IDH1: variants seen among roughly 807,000 people sequenced by gnomAD.
The protein encoded by IDH1 is isocitrate dehydrogenase (NADP(+)) 1, also known as isocitrate dehydrogenase [NADP] cytoplasmic.
IDH1 carries 33 observed loss-of-function variants against 46.1 expected under a neutral mutation model. The observed-to-expected ratio is 0.72, with a 90% confidence interval of 0.54 to 0.96. IDH1 has a LOEUF of 0.96. Among genes scored for constraint, IDH1 ranks in the 40% least tolerant of loss-of-function variants. The pLI, the probability that IDH1 is intolerant of heterozygous loss-of-function variation, is 0.00. For synonymous variants in IDH1, 144 were observed against 172.8 expected (o/e 0.83, Z 1.31); for missense variants, 421 against 515.7 (o/e 0.82, Z 1.78).
At chr2:208,242,431 C>T (rs1183087808) in intron 6 of IDH1, among the ~76,000 whole-genome samples, 1 of 152,200 alleles carries the variant, frequency 6.6e-6, no homozygotes, top group African/African-American at 2.4e-5. Flanking sequence ...CTTCACTTTT[C>T]AGTTTTCATT....
chr2:208,251,586 T>G lies in IDH1; in HGVS notation c.-16-19A>C. ...AATAAACCTAAAAAGAAAAAAAAAA[T>G]ACATGCCTTGTCATTTATTTCATTA... On this transcript the variant is annotated intron_variant, in intron 2 of 9. Transcript: ENST00000345146. The G allele has an allele frequency of 6.3e-7, 1 of 1,576,074 alleles. No homozygotes were observed.
At chr2:208,240,543 C>T (rs1284750245) in intron 7 of IDH1, among the ~76,000 whole-genome samples, 2 of 152,102 alleles carry the variant, frequency 1.3e-5, no homozygotes, top group Non-Finnish European at 2.9e-5. Flanking sequence ...CCTCAAGCTG[C>T]TCATACACTT....
chr2:208,252,840 A>G (rs1688149273), intron 2 of IDH1, among the ~76,000 whole-genome samples: 1 of 152,190 alleles, frequency 6.6e-6, no homozygotes, highest in Non-Finnish European at 1.5e-5. Context: ...TCTTCTTACT[A>G]GTGTTTAGGA....
At position 208,251,361 on chromosome 2, in the gene IDH1, C is replaced by G. The variant is rs533711178; in HGVS notation, c.122+69G>C. 53 of 1,565,184 alleles carry G rather than the reference C, an allele frequency of 3.4e-5. No homozygotes were observed. The East Asian group carries it at 1.1e-3, about 33-fold the overall frequency. ...TGCCTCCTAAGTAGCTGGGACTTCACGTGTGCACCACCATGCCCAGCCAGA... is the reference window on the plus strand; with the variant it reads ...TGCCTCCTAAGTAGCTGGGACTTCAGGTGTGCACCACCATGCCCAGCCAGA... On this transcript the variant is annotated intron_variant, in intron 3 of 9. Transcript: ENST00000345146.
At chr2:208,254,689 A>AC (rs1316097813) in intron 1 of IDH1, among the ~76,000 whole-genome samples, 1 of 151,676 alleles carries the variant, frequency 6.6e-6, no homozygotes, top group Non-Finnish European at 1.5e-5. Flanking sequence ...CAACTTCCTC[A>AC]CCGCCCAGTT....
At chr2:208,251,659 G>T in intron 2 of IDH1, 92 bp from the exon 3 acceptor site, 2 of 999,868 alleles carry the variant, frequency 2.0e-6, no homozygotes, top group South Asian at 1.4e-5. Flanking sequence ...ACAACGTAGT[G>T]ACTACTAAAA....
At position 208,251,488 on chromosome 2, in the gene IDH1, T is replaced by C. The variant is rs1170747681; in HGVS notation, c.64A>G (p.Ile22Val). The stretch of plus-strand genomic sequence containing the variant: ...AGTTTCTCTTTAATCAATTCCCAAA[T>C]GATTCGTGTCATTTCATCTCCTTGC... ...EMQGDEMTRI[I>V]WELIKEKLIF... Residue 22 changes from isoleucine (I) to valine (V), a missense_variant, in exon 3 of 10, where the codon ATT becomes GTT. Ile to Val is a conservative substitution (Grantham distance 29). Coordinates refer to ENST00000345146, the MANE Select transcript of IDH1 (RefSeq NM_005896.4). 6.2e-7 allele frequency: 1 copy of C among 1,613,938 alleles called. No homozygotes were observed. The highest frequency in any genetic ancestry group is 1.7e-5 in the Admixed American group (1 of 60,000).
At chr2:208,238,852 A>G (rs1270213958) in intron 9 of IDH1, among the ~76,000 whole-genome samples, 1 of 152,226 alleles carries the variant, frequency 6.6e-6, no homozygotes, top group Non-Finnish European at 1.5e-5. Flanking sequence ...CTTTCCTGCT[A>G]CAATGGCAGA....
chr2:208,251,559 T>C lies in IDH1; in HGVS notation c.-8A>G, dbSNP rs1688124212. 1 of 1,611,888 alleles carries C rather than the reference T, an allele frequency of 6.2e-7. No homozygotes were observed. ...ACTGATTTTTTTGGACATTTTGACT[T>C]CAATAAACCTAAAAAGAAAAAAAAA... On this transcript the variant is annotated 5_prime_UTR_variant, in exon 3 of 10. Transcript: ENST00000345146.
chr2:208,252,374 A>C (rs1574412182), intron 2 of IDH1, among the ~76,000 whole-genome samples: 1 of 152,182 alleles, frequency 6.6e-6, no homozygotes, highest in Non-Finnish European at 1.5e-5. Flanking sequence ...GGGATAGGAC[A>C]AACTGTGCAT....
At position 208,239,871 on chromosome 2, in the gene IDH1, T is replaced by C. The variant is rs1367760888; in HGVS notation, c.983A>G (p.Asn328Ser). 6 of 1,614,112 alleles carry C rather than the reference T, an allele frequency of 3.7e-6. No homozygotes were observed. Among genetic ancestry groups the C allele is most frequent in the Non-Finnish European group, 5.1e-6 (6 of 1,179,992 alleles). Residue 328 changes from asparagine to serine, a missense_variant, in exon 8 of 10, where the codon AAT becomes AGT. Physicochemically the swap from Asn to Ser is conservative, Grantham distance 46 (BLOSUM62 1). Coordinates refer to ENST00000345146, the MANE Select transcript of IDH1 (RefSeq NM_005896.4). ...TGTAAACACCATCTTACCAATGGGA[T>C]TGGTGGACGTCTCCTGTCCTTTCTG... ...MYQKGQETST[N>S]PIASIFAWTR...
intron 3 of IDH1, among the ~76,000 whole-genome samples, chr2:208,250,078 G>C (rs964728644): frequency 3.3e-5 from 5 of 151,618 alleles, no homozygotes; most frequent in Admixed American, 1.3e-4. Context: ...GATAATAATA[G>C]GAATTTTGGA....
rs765037248 is a variant in IDH1, at chr2:208,242,077, G to A, written c.767C>T (p.Ala256Val). Residue 256 changes from alanine (A) to valine (V), a missense_variant, in exon 7 of 10, where the codon GCC becomes GTC. Transcript: ENST00000345146. ...YEHRLIDDMVAQAMKSEGGFI... is the reference protein window; with the variant it reads ...YEHRLIDDMVVQAMKSEGGFI... ...GCCTCCCTCTGATTTCATAGCTTGG[G>A]CCACCATGTCGTCGATGAGCCTATG... 2.3e-5 allele frequency: 37 copies of A among 1,613,488 alleles called. No individual in the cohort carries two copies. Among genetic ancestry groups the A allele is most frequent in the Non-Finnish European group, 3.0e-5 (35 of 1,179,846 alleles).
intron 4 of IDH1, among the ~76,000 whole-genome samples, chr2:208,247,050 C>T (rs956123423): frequency 6.6e-6 from 1 of 152,176 alleles, no homozygotes; most frequent in Admixed American, 6.5e-5. Flanking sequence ...TGCCATCTAC[C>T]TTCCCTTGCT....
At chr2:208,251,121 G>A (rs973574205) in intron 3 of IDH1, 1 of 200,380 alleles carries the variant, frequency 5.0e-6, no homozygotes, top group African/African-American at 2.3e-5. Context: ...AGATTCATCT[G>A]AATATATTTA....
chr2:208,243,317 G>T, intron 6 of IDH1, 110 bp downstream of exon 6: 4 of 870,156 alleles, frequency 4.6e-6, no homozygotes, highest in Non-Finnish European at 5.5e-6. Flanking sequence ...AGACAGTGAT[G>T]ATTTTCACTC....
intron 4 of IDH1, chr2:208,248,134 C>T (rs948019823): frequency 1.8e-6 from 1 of 559,474 alleles, no homozygotes; most frequent in Non-Finnish European, 3.2e-6. Flanking sequence ...GGAAAAAAAA[C>T]AGCATGTTTG....
At position 208,246,425 on chromosome 2, in the gene IDH1, T is replaced by C. The variant is rs189408695; in HGVS notation, c.415-1001A>G. On this transcript the variant is annotated intron_variant, in intron 4 of 9. Coordinates refer to ENST00000345146, the MANE Select transcript of IDH1 (RefSeq NM_005896.4). ...AACACCTACTTTACACAGAACATTT[T>C]TGACATATAAAATCCATAAAGTAAA... is the stretch of plus-strand genomic sequence containing the variant. 1.5e-3 allele frequency among the ~76,000 whole-genome samples: 229 copies of C among 152,254 alleles called. 7 individuals are homozygous for C. Among genetic ancestry groups the C allele is most frequent in the Admixed American group, 0.015 (229 of 15,284 alleles).
At position 208,241,442 on chromosome 2, in the gene IDH1, A is replaced by G. The variant is rs188464414; in HGVS notation, c.850+552T>C. Among the ~76,000 whole-genome samples the G allele has an allele frequency of 3.6e-3, 522 of 145,866 alleles. 3 individuals are homozygous for G. The highest frequency in any genetic ancestry group is 0.013 in the African/African-American group (500 of 39,098). On this transcript the variant is annotated intron_variant, in intron 7 of 9. Coordinates refer to ENST00000345146, the MANE Select transcript of IDH1 (RefSeq NM_005896.4). ...GAGATGGGGTTTTGCTATGTTGGCC[A>G]GGCTGGTCTTGAACTCCTGGCCTCA...
Sources: allele counts gnomAD v4.1 joint callset (sites outside exome capture counted in the v4.1 genomes callset), GRCh38; gene constraint gnomAD v4.1.1; transcripts MANE v1.5; gene names NCBI Gene and HGNC (gene_info 2026-07-23, HGNC 2026-07-21).